Variants in MTHFD1L observed in about 807,000 individuals in gnomAD.
MTHFD1L encodes the protein methylenetetrahydrofolate dehydrogenase (NADP+ dependent) 1 like.
In MTHFD1L, 81 loss-of-function variants were observed where a neutral mutation model predicts 119.5. The ratio of observed to expected loss-of-function variants is 0.68; its 90% confidence interval spans 0.57 to 0.82. MTHFD1L has a LOEUF of 0.82. Among genes scored for constraint, MTHFD1L ranks in the 40% least tolerant of loss-of-function variants. The pLI, the probability that MTHFD1L is intolerant of heterozygous loss-of-function variation, is 0.00. For missense variants in MTHFD1L, 1,125 were observed against 1,253.4 expected, an observed-to-expected ratio of 0.90 and a Z score of 1.55; for synonymous variants, 430 against 475.2, an observed-to-expected ratio of 0.90 and a Z score of 1.24.
At chr6:151,044,885 TG>T (rs1333998908) in intron 26 of MTHFD1L, among the ~76,000 whole-genome samples, 3 of 152,140 alleles carry the variant, frequency 2.0e-5, no homozygotes, top group Non-Finnish European at 2.9e-5. Context: ...CTGAGGGCCA[TG>T]AAAAAAGAAA....
chr6:151,043,796 C>A (rs1310208368), intron 26 of MTHFD1L, among the ~76,000 whole-genome samples: 1 of 152,168 alleles, frequency 6.6e-6, no homozygotes, highest in Non-Finnish European at 1.5e-5. Context: ...GTTAGACAGC[C>A]TGGCCGGTTT....
chr6:150,890,527 C>T (rs1447996386), intron 7 of MTHFD1L, among the ~76,000 whole-genome samples: 1 of 152,110 alleles, frequency 6.6e-6, no homozygotes, highest in African/African-American at 2.4e-5. Flanking sequence ...AGCTTGATGA[C>T]CACTAGGGAA....
At chr6:150,880,487 T>C (rs1311272818) in intron 4 of MTHFD1L, among the ~76,000 whole-genome samples, 1 of 152,230 alleles carries the variant, frequency 6.6e-6, no homozygotes, top group African/African-American at 2.4e-5. Flanking sequence ...CACACCACAC[T>C]TTCTTTATCC....
chr6:150,973,654 A>G (rs1206009805), intron 20 of MTHFD1L, among the ~76,000 whole-genome samples: 1 of 152,252 alleles, frequency 6.6e-6, no homozygotes, highest in Non-Finnish European at 1.5e-5. Context: ...AATACATGTT[A>G]TCATGGCAGA....
intron 20 of MTHFD1L, among the ~76,000 whole-genome samples, chr6:150,995,470 C>A (rs521567): frequency 6.8e-6 from 1 of 146,574 alleles, no homozygotes; most frequent in Non-Finnish European, 1.5e-5. Context: ...GCTGAGATCA[C>A]GCCATTGCAT....
intron 26 of MTHFD1L, among the ~76,000 whole-genome samples, chr6:151,060,968 G>C (rs1307167883): frequency 6.6e-6 from 1 of 152,200 alleles, no homozygotes; most frequent in African/African-American, 2.4e-5. Flanking sequence ...AACCTGAGGT[G>C]TAGGCAGGGG....
In MTHFD1L at chr6:150,959,251, A is replaced by G. The variant is rs1026766516; in HGVS notation, c.1804-1024A>G. 3.2e-6 allele frequency: 3 copies of G among 950,650 alleles called. No individual in the cohort carries two copies. The African/African-American group carries it at 5.3e-5, about 17-fold the overall frequency. 58.9% of individuals were successfully genotyped at this position (950,650 alleles called of 1,614,324 possible). A position where few individuals can be genotyped will look rare whatever the true frequency, so the allele number is the denominator to read the frequency against. ...TCCTTCCTTTCCTTACTTGTCAGTG[A>G]TGGAAATGGATAATAAAATGTCTCA... On this transcript the variant is annotated intron_variant, in intron 17 of 27. Transcript: ENST00000367321.
At chr6:150,886,421 G>A (rs900082539) in intron 6 of MTHFD1L, among the ~76,000 whole-genome samples, 1 of 119,554 alleles carries the variant, frequency 8.4e-6, no homozygotes, top group African/African-American at 3.3e-5. Context: ...GGGCAATATA[G>A]CAAGACCCTG....
chr6:151,066,164 C>T (rs1400868643), intron 26 of MTHFD1L, among the ~76,000 whole-genome samples: 6 of 152,268 alleles, frequency 3.9e-5, no homozygotes, highest in Middle Eastern at 3.4e-3. Flanking sequence ...AGGCTGGGCG[C>T]GGTGGCTTAC....
chr6:150,959,966 A>T (rs1170347527), intron 17 of MTHFD1L, among the ~76,000 whole-genome samples: 1 of 152,202 alleles, frequency 6.6e-6, no homozygotes, highest in Non-Finnish European at 1.5e-5. Context: ...TAAGTCTGAG[A>T]CATGCTACAA....
intron 21 of MTHFD1L, among the ~76,000 whole-genome samples, chr6:151,010,167 G>A (rs1239936803): frequency 1.3e-5 from 2 of 151,928 alleles, no homozygotes; most frequent in Non-Finnish European, 2.9e-5. Context: ...CACCACCATA[G>A]GGCACTTTGA....
At chr6:150,889,767 TA>T (rs1782919935) in intron 7 of MTHFD1L, among the ~76,000 whole-genome samples, 1 of 152,218 alleles carries the variant, frequency 6.6e-6, no homozygotes, top group Non-Finnish European at 1.5e-5. Flanking sequence ...TGGGAATTCA[TA>T]TATTGCTGGC....
intron 11 of MTHFD1L, chr6:150,934,971 G>A (rs1019663991): frequency 3.3e-6 from 5 of 1,534,042 alleles, no homozygotes; most frequent in African/African-American, 1.4e-5. Context: ...CCTGGAAATG[G>A]GGAATGGGCT....
At chr6:151,095,790 G>A (rs1794851609) in intron 27 of MTHFD1L, among the ~76,000 whole-genome samples, 1 of 152,256 alleles carries the variant, frequency 6.6e-6, no homozygotes, top group Non-Finnish European at 1.5e-5. Flanking sequence ...TCACTGAGGG[G>A]TGGCCCTGGT....
chr6:150,873,223 G>A (rs1779838234), intron 1 of MTHFD1L, among the ~76,000 whole-genome samples: 1 of 152,118 alleles, frequency 6.6e-6, no homozygotes. Flanking sequence ...ACTGAGGCAG[G>A]AGAATCGCTT....
chr6:151,002,045 AC>A (rs1183954900), intron 20 of MTHFD1L, among the ~76,000 whole-genome samples: 1 of 152,172 alleles, frequency 6.6e-6, no homozygotes, highest in African/African-American at 2.4e-5. Context: ...GGACACACTT[AC>A]CTCTCAGTTC....
At chr6:150,923,548 T>TTTTA (rs1789425985) in intron 10 of MTHFD1L, among the ~76,000 whole-genome samples, 3 of 119,774 alleles carry the variant, frequency 2.5e-5, no homozygotes, top group Non-Finnish European at 5.2e-5. Flanking sequence ...TTTTTTCTTT[T>TTTTA]TTTTTTTTTT....
chr6:151,088,623 ATTTTTT>A (rs71014539), intron 26 of MTHFD1L, among the ~76,000 whole-genome samples: 1 of 128,640 alleles, frequency 7.8e-6, no homozygotes, highest in African/African-American at 2.9e-5. Flanking sequence ...CACCCAGCTA[ATTTTTT>A]TTTTTTTTTT....
chr6:150,932,118 C>T (rs1791141726), intron 11 of MTHFD1L, among the ~76,000 whole-genome samples: 1 of 125,548 alleles, frequency 8.0e-6, no homozygotes, highest in Admixed American at 1.0e-4. Context: ...GCAGAGATCA[C>T]ACCATTGCAG....
Sources: gnomAD v4.1 joint callset for allele counts (sites outside exome capture counted in the v4.1 genomes callset) on GRCh38, gnomAD v4.1.1 for gene constraint, MANE v1.5 for transcripts, NCBI Gene and HGNC (gene_info 2026-07-23, HGNC 2026-07-21) for gene names.